SORCS3: variants seen among roughly 807,000 people sequenced by gnomAD.
The protein encoded by SORCS3 is VPS10 domain-containing receptor SorCS3.
A neutral mutation model predicts 146.3 loss-of-function variants in SORCS3; 57 were observed. The observed-to-expected ratio is 0.39, with a 90% confidence interval of 0.31 to 0.49. The LOEUF (loss-of-function observed/expected upper bound fraction) is 0.49. Among genes scored for constraint, SORCS3 ranks in the 20% least tolerant of loss-of-function variants. SORCS3 has a pLI of 0.92. For synonymous variants in SORCS3, 653 were observed against 618.5 expected (o/e 1.06, Z -0.83); for missense variants, 1,341 against 1,575.5 (o/e 0.85, Z 2.52).
intron 5 of SORCS3, among the ~76,000 whole-genome samples, chr10:105,085,690 G>T (rs2133737364): frequency 6.6e-6 from 1 of 152,292 alleles, no homozygotes; most frequent in East Asian, 1.9e-4. Context: ...TCAAGAAACT[G>T]CAAACCTGAG....
chr10:105,249,369 T>TCTAAC (rs1283976324), intron 22 of SORCS3, among the ~76,000 whole-genome samples: 1 of 152,074 alleles, frequency 6.6e-6, no homozygotes, highest in Non-Finnish European at 1.5e-5. Context: ...CTGTGGAGGT[T>TCTAAC]GTTAGGCTCT....
rs138769793 is a variant in SORCS3 at position 104,677,597 on chromosome 10, G to A, written c.627+35643G>A. ...GGTTTGGGCTGAGAAGTTGCCTGAG[G>A]CCTCCTGAACCATCATCTTCATTAT... On this transcript the variant is annotated intron_variant, in intron 1 of 26. Coordinates refer to ENST00000369701, the MANE Select transcript of SORCS3 (RefSeq NM_014978.3). 2.5e-3 allele frequency among the ~76,000 whole-genome samples: 384 copies of A among 152,304 alleles called. 8 individuals carry two copies. The South Asian group carries it at 0.028, about 11-fold the overall frequency.
At chr10:104,922,754 G>A (rs7100852) in intron 3 of SORCS3, among the ~76,000 whole-genome samples, 74,788 of 152,118 alleles carry the variant, frequency 0.49, 22,128 homozygotes, top group African/African-American at 0.84. Context: ...CCTGTTTCCA[G>A]TTGGCAGCAT....
intron 1 of SORCS3, among the ~76,000 whole-genome samples, chr10:104,743,553 C>T (rs1243152654): frequency 2.6e-5 from 4 of 152,110 alleles, no homozygotes; most frequent in Non-Finnish European, 5.9e-5. Context: ...GGGAGGCATT[C>T]ACCTTCTGCT....
intron 20 of SORCS3, among the ~76,000 whole-genome samples, chr10:105,232,968 T>G (rs1176582896): frequency 5.9e-5 from 9 of 152,146 alleles, no homozygotes; most frequent in Admixed American, 5.9e-4. Flanking sequence ...GGATGTTCTA[T>G]TTGGGCTTTA....
At chr10:104,679,377 A>G (rs2015946057) in intron 1 of SORCS3, among the ~76,000 whole-genome samples, 1 of 152,206 alleles carries the variant, frequency 6.6e-6, no homozygotes, top group Admixed American at 6.5e-5. Context: ...ACCAGTTACT[A>G]TGAATCAGGA....
At chr10:104,739,513 C>A (rs781152643) in intron 1 of SORCS3, among the ~76,000 whole-genome samples, 1 of 152,092 alleles carries the variant, frequency 6.6e-6, no homozygotes, top group Non-Finnish European at 1.5e-5. Flanking sequence ...AGGTGATAAC[C>A]CTGTTATCTG....
chr10:105,194,990 A>G (rs1180610987), intron 14 of SORCS3, among the ~76,000 whole-genome samples: 1 of 152,194 alleles, frequency 6.6e-6, no homozygotes, highest in African/African-American at 2.4e-5. Flanking sequence ...AGATAACAGG[A>G]CCATTTGAGC....
chr10:105,135,120 C>T (rs2056050081), intron 7 of SORCS3, among the ~76,000 whole-genome samples: 1 of 152,118 alleles, frequency 6.6e-6, no homozygotes, highest in Non-Finnish European at 1.5e-5. Flanking sequence ...GAATAATTTT[C>T]TTCACTCCAT....
At chr10:104,807,358 C>T (rs966341377) in intron 1 of SORCS3, among the ~76,000 whole-genome samples, 1 of 152,126 alleles carries the variant, frequency 6.6e-6, no homozygotes. Flanking sequence ...AATTCATGAA[C>T]ACCCAGATAT....
chr10:104,983,169 T>C (rs1215560716), intron 4 of SORCS3, among the ~76,000 whole-genome samples: 1 of 152,134 alleles, frequency 6.6e-6, no homozygotes, highest in Non-Finnish European at 1.5e-5. Context: ...CCGGCTAATT[T>C]TTATATTTTT....
intron 2 of SORCS3, among the ~76,000 whole-genome samples, chr10:104,896,230 G>C (rs941637083): frequency 1.3e-5 from 2 of 152,146 alleles, no homozygotes; most frequent in African/African-American, 4.8e-5. Flanking sequence ...GGAGTTGTCA[G>C]TTCCCCTCTT....
intron 1 of SORCS3, among the ~76,000 whole-genome samples, chr10:104,703,290 G>A (rs770082036): frequency 2.6e-5 from 4 of 152,134 alleles, no homozygotes; most frequent in Non-Finnish European, 5.9e-5. Flanking sequence ...TCGAGGAATC[G>A]CCATACTGTC....
chr10:104,735,496 T>C (rs1414281807), intron 1 of SORCS3, among the ~76,000 whole-genome samples: 1 of 131,156 alleles, frequency 7.6e-6, no homozygotes, highest in East Asian at 2.4e-4. Context: ...CCTTTGTTTC[T>C]TTAGGAGAGA....
intron 1 of SORCS3, among the ~76,000 whole-genome samples, chr10:104,644,497 G>A (rs542757959): frequency 1.2e-4 from 19 of 152,326 alleles, no homozygotes; most frequent in African/African-American, 4.6e-4. Context: ...GACCCAGCTG[G>A]TTTTTCTCCT....
chr10:104,697,619 T>G (rs1371271410), intron 1 of SORCS3, among the ~76,000 whole-genome samples: 4 of 152,116 alleles, frequency 2.6e-5, no homozygotes, highest in Admixed American at 2.0e-4. Context: ...CTTTGTAGTT[T>G]TGGGGCATGG....
intron 4 of SORCS3, among the ~76,000 whole-genome samples, chr10:105,022,388 C>G (rs562785383): frequency 6.6e-5 from 10 of 151,376 alleles, no homozygotes; most frequent in African/African-American, 1.5e-4. Flanking sequence ...ACCTCTGCCC[C>G]CTAGGTTCAA....
intron 1 of SORCS3, among the ~76,000 whole-genome samples, chr10:104,648,131 G>A (rs145191817): frequency 5.3e-5 from 8 of 152,332 alleles, no homozygotes; most frequent in East Asian, 1.9e-4. Flanking sequence ...TCAAGTGATC[G>A]TTTCAGGCTA....
At chr10:104,887,971 G>GCGTTGC (rs1554857309) in intron 2 of SORCS3, among the ~76,000 whole-genome samples, 1 of 83,034 alleles carries the variant, frequency 1.2e-5, no homozygotes. Flanking sequence ...GGGGGGCGGG[G>GCGTTGC]GCGGAGCAAG....
Sources: gnomAD v4.1 joint callset for allele counts (sites outside exome capture counted in the v4.1 genomes callset) on GRCh38, gnomAD v4.1.1 for gene constraint, MANE v1.5 for transcripts, NCBI Gene and HGNC (gene_info 2026-07-23, HGNC 2026-07-21) for gene names.